Variants in LRRIQ1 observed in about 807,000 individuals in gnomAD.
LRRIQ1 encodes leucine-rich repeat- and IQ domain-containing protein 1.
In LRRIQ1, 210 loss-of-function variants were observed where a neutral mutation model predicts 211.9. The observed-to-expected ratio is 0.99, with a 90% CI of 0.89 to 1.11. The LOEUF (loss-of-function observed/expected upper bound fraction) is 1.11. Among genes scored for constraint, LRRIQ1 ranks in the 50% most tolerant of loss-of-function variants. The pLI is 0.00. For synonymous variants in LRRIQ1, 699 were observed against 650.1 expected, an observed-to-expected ratio of 1.08 and a Z score of -1.14; for missense variants, 2,136 against 1,939.5, an observed-to-expected ratio of 1.10 and a Z score of -1.90.
intron 24 of LRRIQ1, among the ~76,000 whole-genome samples, chr12:85,197,235 T>G (rs1462538938): frequency 3.3e-5 from 5 of 151,368 alleles, no homozygotes; most frequent in Non-Finnish European, 5.9e-5. Flanking sequence ...TGGTGGGACT[T>G]TAAACTAGTT....
chr12:85,043,257 G>C (rs908676396), intron 3 of LRRIQ1, among the ~76,000 whole-genome samples: 1 of 152,048 alleles, frequency 6.6e-6, no homozygotes, highest in Non-Finnish European at 1.5e-5. Context: ...GGTTTTTCAT[G>C]CATTTATAGT....
At chr12:85,268,222 G>C (rs1178357212), downstream of LRRIQ1, among the ~76,000 whole-genome samples, 1 of 151,920 alleles carries the variant, frequency 6.6e-6, no homozygotes. Context: ...AATGGAAGTA[G>C]AACTCAATGT....
intron 8 of LRRIQ1, among the ~76,000 whole-genome samples, chr12:85,064,174 C>T (rs1882172699): frequency 6.6e-6 from 1 of 151,862 alleles, no homozygotes; most frequent in South Asian, 2.1e-4. Flanking sequence ...CTTTTCTCCA[C>T]ATCCTCTCCA....
Position 85,091,626 on chromosome 12 carries a change from T to G in LRRIQ1, c.2888-6729T>G, listed in dbSNP as rs1343979781. On this transcript the variant is annotated intron_variant, in intron 11 of 26. Coordinates refer to ENST00000393217, the MANE Select transcript of LRRIQ1 (RefSeq NM_001079910.2). ...CCCTAGGTTTTCTCCTGGATTTTTA[T>G]AGTTTTAGATGCTACATTTAGATCT... Among the ~76,000 whole-genome samples, 3 of 152,136 alleles carry G rather than the reference T, an allele frequency of 2.0e-5. No individual in the cohort carries two copies. The South Asian group carries it at 6.2e-4, about 31-fold the overall frequency.
chr12:85,101,793 A>G (rs1886364059), intron 13 of LRRIQ1, among the ~76,000 whole-genome samples: 1 of 151,876 alleles, frequency 6.6e-6, no homozygotes, highest in Middle Eastern at 3.4e-3. Flanking sequence ...AATATTACAA[A>G]AAGATTTTTT....
chr12:85,047,172 T>G, intron 5 of LRRIQ1, 75 bp from the exon 6 acceptor site: 1 of 1,045,326 alleles, frequency 9.6e-7, no homozygotes, highest in Non-Finnish European at 1.4e-6. Context: ...TTAAAAAAAT[T>G]ACTTTTATAC....
chr12:85,225,682 T>C (rs1894617405), intron 24 of LRRIQ1, among the ~76,000 whole-genome samples: 1 of 152,132 alleles, frequency 6.6e-6, no homozygotes, highest in Admixed American at 6.5e-5. Context: ...TAGCAAGGAA[T>C]TGTGGACAAA....
rs1333041089 is a variant in LRRIQ1, at chr12:85,217,493, T to C, written c.4823-12024T>C. Among the ~76,000 whole-genome samples, 10 of 49,600 alleles carry C rather than the reference T, an allele frequency of 2.0e-4. 1 individual carries two copies. The highest frequency in any genetic ancestry group is 3.2e-4 in the Non-Finnish European group (10 of 31,184). 32.5% of individuals were successfully genotyped at this position (49,600 alleles called of 152,430 possible). On this transcript the variant is annotated intron_variant, in intron 24 of 26. Transcript: ENST00000393217. The stretch of plus-strand genomic sequence containing the variant: ...ATATATATATATATATATATATATG[T>C]ATATATATATATATATGTGTGTGTG...
intron 1 of LRRIQ1, among the ~76,000 whole-genome samples, chr12:85,258,176 GT>G (rs527649990): frequency 3.6e-4 from 55 of 150,816 alleles, no homozygotes; most frequent in East Asian, 5.8e-4. Context: ...TTACTCACAT[GT>G]TTTTTTTTAA....
At chr12:85,080,071 A>G (rs991482523) in intron 11 of LRRIQ1, among the ~76,000 whole-genome samples, 4 of 152,094 alleles carry the variant, frequency 2.6e-5, no homozygotes, top group African/African-American at 4.8e-5. Context: ...ACACACGCGC[A>G]CACACGTACC....
At chr12:85,050,007 C>G (rs1880105455) in intron 6 of LRRIQ1, among the ~76,000 whole-genome samples, 1 of 152,084 alleles carries the variant, frequency 6.6e-6, no homozygotes, top group Admixed American at 6.6e-5. Flanking sequence ...TTAGGCTGTT[C>G]CTGCATTGCT....
At chr12:85,246,347 C>A (rs1895716650), downstream of LRRIQ1, among the ~76,000 whole-genome samples, 1 of 151,006 alleles carries the variant, frequency 6.6e-6, no homozygotes, top group Non-Finnish European at 1.5e-5. Flanking sequence ...AAGTAATCAG[C>A]CTGTGTCAAT....
chr12:85,176,088 A>G (rs1157646209), intron 24 of LRRIQ1, among the ~76,000 whole-genome samples: 1 of 152,010 alleles, frequency 6.6e-6, no homozygotes, highest in African/African-American at 2.4e-5. Context: ...TCTGTAAATT[A>G]CCTTGGGCAG....
chr12:85,143,691 C>T (rs962652928), intron 19 of LRRIQ1, among the ~76,000 whole-genome samples: 1 of 151,250 alleles, frequency 6.6e-6, no homozygotes, highest in African/African-American at 2.4e-5. Context: ...TATAAAATTC[C>T]TAATTGATTC....
intron 24 of LRRIQ1, among the ~76,000 whole-genome samples, chr12:85,210,439 G>C (rs1343309294): frequency 6.6e-6 from 1 of 152,058 alleles, no homozygotes; most frequent in East Asian, 1.9e-4. Context: ...AGAATTTGTT[G>C]GACTTGTTTT....
In LRRIQ1 at chr12:85,137,896, T is replaced by C. The variant is rs1385343301; in HGVS notation, c.4256T>C (p.Leu1419Pro). The change falls in exon 19 of 27, where the codon CTA (leucine) becomes CCA (proline). Residue 1419 changes from leucine to proline, a missense_variant. By Grantham distance (98) the Leu-to-Pro change is moderately conservative. Transcript: ENST00000393217. ...TTGCGAAAGAAACTGACAACAGCTCTAGAGGCTATTAAGAATGAAGAATCC... is the reference window on the plus strand; with the variant it reads ...TTGCGAAAGAAACTGACAACAGCTCCAGAGGCTATTAAGAATGAAGAATCC... ...FILRKKLTTA[L>P]EAIKNEESDE... 6.3e-7 allele frequency: 1 copy of C among 1,588,274 alleles called. No individual in the cohort carries two copies. Among genetic ancestry groups the C allele is most frequent in the Non-Finnish European group, 8.6e-7 (1 of 1,163,010 alleles).
intron 24 of LRRIQ1, among the ~76,000 whole-genome samples, chr12:85,212,731 C>A (rs1893894355): frequency 6.8e-6 from 1 of 146,972 alleles, no homozygotes; most frequent in African/African-American, 2.5e-5. Flanking sequence ...ATATATGTTC[C>A]ATAAATATAT....
chr12:85,226,744 G>A (rs527854059), intron 24 of LRRIQ1, among the ~76,000 whole-genome samples: 88 of 132,366 alleles, frequency 6.6e-4, no homozygotes, highest in African/African-American at 2.5e-3. Context: ...TGTTCCCATT[G>A]TTCAATTCCC....
chr12:85,248,984 T>A (rs1364391158), downstream of LRRIQ1, among the ~76,000 whole-genome samples: 1 of 151,754 alleles, frequency 6.6e-6, no homozygotes, highest in Non-Finnish European at 1.5e-5. Context: ...AATTTCCTAC[T>A]AATAATAAGT....
Sources: allele counts gnomAD v4.1 joint callset (sites outside exome capture counted in the v4.1 genomes callset), GRCh38; gene constraint gnomAD v4.1.1; transcripts MANE v1.5; gene names NCBI Gene and HGNC (gene_info 2026-07-23, HGNC 2026-07-21).